The following MAD1L1 variants were observed in gnomAD, a reference collection of about 807,000 sequenced individuals.
The protein encoded by MAD1L1 is mitotic spindle assembly checkpoint protein MAD1.
In MAD1L1, 95 loss-of-function variants were observed where a neutral mutation model predicts 96.9. The ratio of observed to expected loss-of-function variants is 0.98; its 90% CI spans 0.83 to 1.16. The LOEUF is 1.16. MAD1L1 is among the 50% of genes most tolerant of loss of function. The pLI is 0.00. For missense variants in MAD1L1, 1,007 were observed against 954.4 expected, an observed-to-expected ratio of 1.06 and a Z score of -0.73; for synonymous variants, 473 against 396.6, an observed-to-expected ratio of 1.19 and a Z score of -2.29.
intron 11 of MAD1L1, among the ~76,000 whole-genome samples, chr7:2,144,811 T>C (rs923783260): frequency 6.6e-6 from 1 of 152,044 alleles, no homozygotes; most frequent in African/African-American, 2.4e-5. Context: ...AGGAGGTCCA[T>C]TCTCAGATTC....
chr7:2,077,217 C>T (rs187893732), intron 11 of MAD1L1, among the ~76,000 whole-genome samples: 1 of 152,104 alleles, frequency 6.6e-6, no homozygotes, highest in Non-Finnish European at 1.5e-5. Flanking sequence ...TCAGTGATGA[C>T]GTCTGGCATG....
chr7:1,983,222 TACA>T lies in MAD1L1; in HGVS notation c.1417-2684_1417-2682del, dbSNP rs1781007791. ...AGGCCTTTGCAGTTGTTGGTGTCAA[TACA>T]ACACTTCCAGAATGCCTTCCCCTCC... On this transcript the variant is annotated intron_variant, in intron 14 of 18. Transcript: ENST00000265854. 2.0e-5 allele frequency among the ~76,000 whole-genome samples: 3 copies of T among 151,340 alleles called. No homozygotes were observed. The South Asian group carries it at 6.4e-4, about 32-fold the overall frequency.
intron 14 of MAD1L1, among the ~76,000 whole-genome samples, chr7:2,000,771 C>T (rs148575143): frequency 3.3e-5 from 5 of 152,354 alleles, no homozygotes; most frequent in African/African-American, 1.2e-4. Flanking sequence ...GCTGAGTGAA[C>T]AGCGACCATT....
intron 11 of MAD1L1, among the ~76,000 whole-genome samples, chr7:2,138,555 C>T (rs1478823826): frequency 1.3e-5 from 2 of 152,194 alleles, no homozygotes; most frequent in South Asian, 2.1e-4. Context: ...CGCACACTTC[C>T]GGCTTGTTAG....
At chr7:1,904,275 T>C (rs1347372856) in intron 17 of MAD1L1, among the ~76,000 whole-genome samples, 2,118 of 82,824 alleles carry the variant, frequency 0.026, 1 homozygote, top group Middle Eastern at 0.13. Context: ...TTCCAGGCAG[T>C]GAGGACGCAG....
chr7:2,122,496 G>A (rs1360616443), intron 11 of MAD1L1, among the ~76,000 whole-genome samples: 2 of 152,140 alleles, frequency 1.3e-5, no homozygotes, highest in Admixed American at 1.3e-4. Flanking sequence ...CAGCTACTCG[G>A]GAGGCTGAGG....
chr7:1,821,712 G>A lies in MAD1L1; in HGVS notation c.1999-5484C>T, dbSNP rs10268959. On this transcript the variant is annotated intron_variant, in intron 18 of 18. Transcript: ENST00000265854. ...ATATGATCCTATTGGCACAGGCAAA[G>A]CATTTGAAAAAATTTAATCTCCATT... Among the ~76,000 whole-genome samples, 426 of 152,296 alleles carry A rather than the reference G, an allele frequency of 2.8e-3. 3 individuals are homozygous for A. The highest frequency in any genetic ancestry group is 9.6e-3 in the African/African-American group (401 of 41,564).
chr7:1,953,962 C>T (rs549357064), intron 16 of MAD1L1, among the ~76,000 whole-genome samples: 1 of 152,148 alleles, frequency 6.6e-6, no homozygotes, highest in African/African-American at 2.4e-5. Flanking sequence ...CTGCCCAGTG[C>T]GGCCTCCACT....
intron 11 of MAD1L1, among the ~76,000 whole-genome samples, chr7:2,085,894 C>T (rs781310486): frequency 2.0e-5 from 3 of 152,238 alleles, no homozygotes; most frequent in South Asian, 2.1e-4. Flanking sequence ...TGGACGCTCA[C>T]GGCAGATGCA....
At chr7:2,168,099 A>G (rs2128593007) in intron 10 of MAD1L1, among the ~76,000 whole-genome samples, 1 of 152,318 alleles carries the variant, frequency 6.6e-6, no homozygotes, top group Admixed American at 6.5e-5. Flanking sequence ...AGCCTGGCCA[A>G]CATGGCGAAA....
At chr7:1,931,186 C>T (rs540863455) in intron 17 of MAD1L1, among the ~76,000 whole-genome samples, 2 of 112,622 alleles carry the variant, frequency 1.8e-5, no homozygotes, top group East Asian at 2.5e-4. Flanking sequence ...AGCGAGGGCG[C>T]GTCGTGGGGT....
At chr7:1,953,518 C>G (rs1005162856) in intron 16 of MAD1L1, among the ~76,000 whole-genome samples, 18 of 152,224 alleles carry the variant, frequency 1.2e-4, no homozygotes, top group Non-Finnish European at 2.4e-4. Flanking sequence ...GGCTGGAGCA[C>G]GGGCTTCAGA....
At chr7:1,971,079 G>A (rs183694011) in intron 15 of MAD1L1, among the ~76,000 whole-genome samples, 37 of 151,880 alleles carry the variant, frequency 2.4e-4, no homozygotes, top group Non-Finnish European at 4.1e-4. Context: ...CCAGCCCTTC[G>A]GTGTGCGAGT....
At chr7:1,912,776 G>A (rs1432921665) in intron 17 of MAD1L1, among the ~76,000 whole-genome samples, 4 of 152,176 alleles carry the variant, frequency 2.6e-5, no homozygotes, top group Admixed American at 2.0e-4. Context: ...TATCACAGCC[G>A]AGTCAAGACG....
chr7:2,094,475 C>T (rs1280524163), intron 11 of MAD1L1, among the ~76,000 whole-genome samples: 5 of 152,080 alleles, frequency 3.3e-5, no homozygotes, highest in African/African-American at 9.7e-5. Context: ...ATGTGCTTGA[C>T]GGGAAAAAGT....
intron 12 of MAD1L1, among the ~76,000 whole-genome samples, chr7:2,058,986 G>A (rs1401779139): frequency 2.6e-5 from 3 of 115,976 alleles, no homozygotes; most frequent in Admixed American, 8.2e-5. Context: ...CAGGGGAGAG[G>A]CGCAGGGCTG....
At chr7:1,959,895 G>A (rs1455328199) in intron 15 of MAD1L1, among the ~76,000 whole-genome samples, 1 of 152,098 alleles carries the variant, frequency 6.6e-6, no homozygotes, top group African/African-American at 2.4e-5. Flanking sequence ...ATTTAGGGAG[G>A]ATCTTTCTTA....
At chr7:2,016,475 G>A (rs1314222574) in intron 12 of MAD1L1, among the ~76,000 whole-genome samples, 2 of 152,182 alleles carry the variant, frequency 1.3e-5, no homozygotes, top group African/African-American at 2.4e-5. Flanking sequence ...GAGTCTGCAC[G>A]TACACAAGCT....
intron 18 of MAD1L1, among the ~76,000 whole-genome samples, chr7:1,860,076 C>A (rs1784459916): frequency 6.9e-6 from 1 of 144,760 alleles, no homozygotes; most frequent in African/African-American, 2.6e-5. Flanking sequence ...GGGGCGGCCT[C>A]TGTGTCCCTA....
Sources: allele counts gnomAD v4.1 joint callset (sites outside exome capture counted in the v4.1 genomes callset), GRCh38; gene constraint gnomAD v4.1.1; transcripts MANE v1.5; gene names NCBI Gene and HGNC (gene_info 2026-07-23, HGNC 2026-07-21).